Variants in PRAMEF1 observed in about 807,000 individuals in gnomAD.
PRAMEF1 encodes PRAME family member 1.
PRAMEF1 carries 21 observed loss-of-function variants against 38.2 expected under a neutral mutation model. The ratio of observed to expected loss-of-function variants is 0.55; its 90% confidence interval spans 0.39 to 0.79. The LOEUF is 0.79. Ranked by LOEUF, PRAMEF1 falls within the 30% of genes least tolerant of loss-of-function variation. The pLI is 0.00. For missense variants in PRAMEF1, 497 were observed against 565.8 expected, an observed-to-expected ratio of 0.88 and a Z score of 1.23; for synonymous variants, 200 against 229.0, an observed-to-expected ratio of 0.87 and a Z score of 1.14.
chr1:12,795,217 G>A (rs1639373889), intron 3 of PRAMEF1, among the ~76,000 whole-genome samples: 1 of 151,690 alleles, frequency 6.6e-6, no homozygotes, highest in African/African-American at 2.4e-5. Flanking sequence ...GAGATTTTAT[G>A]GCCTTGAACC....
At chr1:12,795,396 A>T (rs561387752) in intron 3 of PRAMEF1, 42 bp from the exon 4 acceptor site, 1 of 1,608,116 alleles carries the variant, frequency 6.2e-7, no homozygotes, top group African/African-American at 1.3e-5. Flanking sequence ...ACCTTCATCT[A>T]ACTGGTATCA....
At position 12,793,204 on chromosome 1, in the gene PRAMEF1, G is replaced by A; in HGVS notation, c.-24G>A. The A allele has an allele frequency of 6.2e-7, 1 of 1,606,316 alleles. No homozygotes were observed. Among genetic ancestry groups the A allele is most frequent in the Non-Finnish European group, 8.5e-7 (1 of 1,176,840 alleles). On this transcript the variant is annotated splice_region_variant and 5_prime_UTR_variant, in exon 2 of 4. Transcript: ENST00000332296. ...ATTTTCCCTGGATTTGTCTTCTAGAGATTTTCCTTGCAGATCTATCAGGAT... is the reference window on the plus strand; with the variant it reads ...ATTTTCCCTGGATTTGTCTTCTAGAAATTTTCCTTGCAGATCTATCAGGAT...
In PRAMEF1 at chr1:12,794,460, C is replaced by T; in HGVS notation, c.833C>T (p.Thr278Ile). The change falls in exon 3 of 4, where the codon ACC becomes ATC. Residue 278 changes from threonine (T) to isoleucine (I), a missense_variant. Transcript: ENST00000332296. ...HLQLLKIKLI[T>I]FFSGHLEQLI... ...CAGTTGCTTAAAATAAAATTGATCA[C>T]CTTCTTCAGTGGGCACCTGGAACAG... 1 of 1,610,324 alleles carries T rather than the reference C, an allele frequency of 6.2e-7. No homozygotes were observed. Among genetic ancestry groups the T allele is most frequent in the Non-Finnish European group, 8.5e-7 (1 of 1,177,880 alleles).
chr1:12,794,395 T>C lies in PRAMEF1; in HGVS notation c.768T>C (p.Val256=), dbSNP rs1063778. Residue 256 remains valine, a synonymous_variant, in exon 3 of 4, where the codon GTT becomes GTC. Coordinates refer to ENST00000332296, the MANE Select transcript of PRAMEF1 (RefSeq NM_023013.4). ...ATAATGAACTCGAAGGACGGTTAGT[T>C]GCCAAATTCAGCTCTGTGTTCCTCA... ...TSDNELEGRL[V]AKFSSVFLRL... 0.36 allele frequency: 579,106 copies of C among 1,586,882 alleles called. 118,434 individuals carry two copies. The highest frequency in any genetic ancestry group is 0.52 in the East Asian group (22,592 of 43,164).
rs1639382987 is a variant in PRAMEF1, at chr1:12,795,566, T to G, written c.995T>G (p.Leu332Arg). 1 of 1,612,342 alleles carries G rather than the reference T, an allele frequency of 6.2e-7. No homozygotes were observed. Residue 332 changes from leucine (L) to arginine (R), a missense_variant, in exon 4 of 4, where the codon CTG becomes CGG. Coordinates refer to ENST00000332296, the MANE Select transcript of PRAMEF1 (RefSeq NM_023013.4). ...CATCTGAATCTCAGCTACGTGCTGC[T>G]GTTCCGCATCAGTCTTGAACCCCTC... ...LKHLNLSYVL[L>R]FRISLEPLGA...
intron 1 of PRAMEF1, among the ~76,000 whole-genome samples, chr1:12,791,958 C>G (rs1440586947): frequency 2.6e-5 from 4 of 151,028 alleles, no homozygotes; most frequent in African/African-American, 9.7e-5. Context: ...GAAGTGATGT[C>G]TATAGGAACC....
rs937509673 is a variant in PRAMEF1 at position 12,793,390 on chromosome 1, A to G, written c.163A>G (p.Met55Val). Residue 55 changes from methionine (M) to valine (V), a missense_variant, in exon 2 of 4, where the codon ATG becomes GTG. Met to Val is a conservative substitution (Grantham distance 21, BLOSUM62 1). Transcript: ENST00000332296. ...SRRHFQTLTVMVQAWPFTCLP... is the reference protein window; with the variant it reads ...SRRHFQTLTVVVQAWPFTCLP... Reference sequence around the variant, plus strand: ...GAGACACTTCCAGACTCTGACGGTGATGGTTCAGGCCTGGCCCTTCACCTG... The same window carrying G: ...GAGACACTTCCAGACTCTGACGGTGGTGGTTCAGGCCTGGCCCTTCACCTG... 2.6e-5 allele frequency: 42 copies of G among 1,609,980 alleles called. 2 individuals are homozygous for G. The highest frequency in any genetic ancestry group is 5.4e-5 in the African/African-American group (4 of 74,700).
Position 12,793,304 on chromosome 1 carries a change from C to G in PRAMEF1, c.77C>G (p.Ser26Cys), listed in dbSNP as rs1029165123. 1.9e-6 allele frequency: 3 copies of G among 1,608,342 alleles called. No individual in the cohort carries two copies. The African/African-American group carries it at 4.0e-5, about 22-fold the overall frequency. Residue 26 changes from serine to cysteine, a missense_variant, in exon 2 of 4, where the codon TCT becomes TGT. Physicochemically the swap from Ser to Cys is moderately radical, Grantham distance 112. This residue lies in a region of PRAMEF1 where 470 missense variants were observed against 501.9 expected (regional missense o/e 0.94). Coordinates refer to ENST00000332296, the MANE Select transcript of PRAMEF1 (RefSeq NM_023013.4). ...CTGAGAGACCAGGCCTTGTCCATCT[C>G]TGCCATGGAGGAGCTGCCCAGGGTG... ...SLLRDQALSI[S>C]AMEELPRVLY...
intron 3 of PRAMEF1, 42 bp downstream of exon 3, chr1:12,794,535 G>A: frequency 6.2e-7 from 1 of 1,604,744 alleles, no homozygotes; most frequent in Non-Finnish European, 8.5e-7. Context: ...CCACAGCATA[G>A]CCTTGTTCTG....
At chr1:12,795,280 A>G (rs373283256) in intron 3 of PRAMEF1, among the ~76,000 whole-genome samples, 158 bp from the exon 4 acceptor site, 67 of 151,748 alleles carry the variant, frequency 4.4e-4, no homozygotes, top group Non-Finnish European at 1.2e-4. Context: ...CAGCCCCTGA[A>G]CGATCAGGGT....
At position 12,795,912 on chromosome 1, in the gene PRAMEF1, C is replaced by A. The variant is rs1639393924; in HGVS notation, c.1341C>A (p.Pro447=). The A allele has an allele frequency of 6.2e-7, 1 of 1,610,882 alleles. No homozygotes were observed. The highest frequency in any genetic ancestry group is 1.7e-5 in the Admixed American group (1 of 59,774). ...GTACACTGAGGGAAGTCAGGCAGCC[C>A]AAGAGGATCTTCATTGGCCCCACCC... The part of the protein sequence containing the change: ...LMCTLREVRQ[P]KRIFIGPTPC... Residue 447 remains proline, a synonymous_variant, in exon 4 of 4, where the codon CCC becomes CCA. Transcript: ENST00000332296.
Position 12,796,137 on chromosome 1 carries a change from G to T in PRAMEF1, c.*141G>T. The stretch of plus-strand genomic sequence containing the variant: ...TAATAATTCCAAAATTTTTATTAAA[G>T]ACAATTTGAGACAGGGTTTCGCTGT... On this transcript the variant is annotated 3_prime_UTR_variant, in exon 4 of 4. Coordinates refer to ENST00000332296, the MANE Select transcript of PRAMEF1 (RefSeq NM_023013.4). 1 of 1,270,908 alleles carries T rather than the reference G, an allele frequency of 7.9e-7. No individual in the cohort carries two copies. Among genetic ancestry groups the T allele is most frequent in the African/African-American group, 1.5e-5 (1 of 67,140 alleles). 78.7% of individuals were successfully genotyped at this position (1,270,908 alleles called of 1,614,324 possible). A position where few individuals can be genotyped will look rare whatever the true frequency, so the allele number is the denominator to read the frequency against.
chr1:12,793,615 T>C, intron 2 of PRAMEF1, 101 bp downstream of exon 2: 1 of 1,548,312 alleles, frequency 6.5e-7, no homozygotes, highest in Non-Finnish European at 8.8e-7. Flanking sequence ...CAGAGTCTTC[T>C]GATGGTGTTG....
chr1:12,794,694 G>T, intron 3 of PRAMEF1: 1 of 1,424,360 alleles, frequency 7.0e-7, no homozygotes, highest in African/African-American at 1.4e-5. Flanking sequence ...GGGGAGAGGC[G>T]TCACCTGGGG....
chr1:12,794,044 A>G lies in PRAMEF1; in HGVS notation c.417A>G (p.Pro139=). 1 of 1,609,042 alleles carries G rather than the reference A, an allele frequency of 6.2e-7. No individual in the cohort carries two copies. Among genetic ancestry groups the G allele is most frequent in the East Asian group, 2.2e-5 (1 of 44,540 alleles). Residue 139 remains proline, a synonymous_variant, in exon 3 of 4, where the codon CCA becomes CCG. Coordinates refer to ENST00000332296, the MANE Select transcript of PRAMEF1 (RefSeq NM_023013.4). ...AGAGGCAGACAGCAGAGGACTGTCC[A>G]AGGATGGGAGAGCACCAGCCCTTAA... ...TSKRQTAEDC[P]RMGEHQPLKV... is the part of the protein sequence containing the mutation.
In PRAMEF1 at chr1:12,795,580, C is replaced by T. The variant is rs748433603; in HGVS notation, c.1009C>T (p.Leu337Phe). 6 of 1,612,222 alleles carry T rather than the reference C, an allele frequency of 3.7e-6. No individual in the cohort carries two copies. In the Admixed American group the frequency reaches 8.3e-5, roughly 22 times the overall value. Residue 337 changes from leucine (L) to phenylalanine (F), a missense_variant, in exon 4 of 4, where the codon CTT (leucine) becomes TTT (phenylalanine). Around this residue, in one of 2 missense-constraint regions of PRAMEF1, gnomAD observed 470 missense variants for 501.9 expected, o/e 0.94. Coordinates refer to ENST00000332296, the MANE Select transcript of PRAMEF1 (RefSeq NM_023013.4). Reference protein sequence around the residue: ...LSYVLLFRISLEPLGALLEKI... With the variant: ...LSYVLLFRISFEPLGALLEKI... The stretch of plus-strand genomic sequence containing the variant: ...CTACGTGCTGCTGTTCCGCATCAGT[C>T]TTGAACCCCTCGGAGCTCTGCTGGA...
intron 3 of PRAMEF1, chr1:12,794,998 G>C: frequency 7.6e-7 from 1 of 1,313,928 alleles, no homozygotes; most frequent in Non-Finnish European, 1.0e-6. Flanking sequence ...GCGTGCTTCC[G>C]GGATGGAGGT....
chr1:12,792,652 T>C (rs2359498), intron 1 of PRAMEF1, among the ~76,000 whole-genome samples: 9 of 150,070 alleles, frequency 6.0e-5, no homozygotes, highest in South Asian at 2.2e-4. Flanking sequence ...TCTTGGCTCA[T>C]TGCAACTTCT....
chr1:12,793,856 A>T (rs1443344816), intron 2 of PRAMEF1, 59 bp from the exon 3 acceptor site: 3 of 1,499,990 alleles, frequency 2.0e-6, no homozygotes, highest in Non-Finnish European at 2.8e-6. Context: ...TGACAATGAA[A>T]GCAAAGGTCA....
Sources: gnomAD v4.1 joint callset for allele counts (sites outside exome capture counted in the v4.1 genomes callset) on GRCh38, gnomAD v4.1.1 for gene constraint, gnomAD v4.1.1 regional missense constraint, MANE v1.5 for transcripts, NCBI Gene and HGNC (gene_info 2026-07-23, HGNC 2026-07-21) for gene names.